Variants in GNAQ observed in about 807,000 individuals in gnomAD.
GNAQ encodes G protein subunit alpha q.
GNAQ carries 8 observed loss-of-function variants against 43.9 expected under a neutral mutation model. That is an observed-to-expected ratio of 0.18 (90% confidence interval 0.11 to 0.33). The LOEUF is 0.33. Among genes scored for constraint, GNAQ ranks in the 10% least tolerant of loss-of-function variants. The pLI, the probability that GNAQ is intolerant of heterozygous loss-of-function variation, is 1.00. For synonymous variants in GNAQ, 155 were observed against 170.7 expected (o/e 0.91, Z 0.71); for missense variants, 158 against 450.8 (o/e 0.35, Z 5.88).
intron 1 of GNAQ, among the ~76,000 whole-genome samples, chr9:78,015,061 C>T (rs991909784): frequency 3.3e-5 from 5 of 152,210 alleles, no homozygotes; most frequent in Non-Finnish European, 7.3e-5. Flanking sequence ...CTCACTGACA[C>T]CCAGAGCAAT....
intron 1 of GNAQ, among the ~76,000 whole-genome samples, chr9:77,966,329 T>A (rs1167572448): frequency 6.6e-6 from 1 of 152,130 alleles, no homozygotes; most frequent in Non-Finnish European, 1.5e-5. Flanking sequence ...ATCAATTACA[T>A]CGCAAAAAAA....
At chr9:77,920,142 A>T in intron 2 of GNAQ, among the ~76,000 whole-genome samples, 1 of 152,164 alleles carries the variant, frequency 6.6e-6, no homozygotes, top group East Asian at 1.9e-4. Flanking sequence ...TGTCTCAAAA[A>T]AAAAAAAGAA....
Position 77,952,373 on chromosome 9 carries a change from T to C in GNAQ, c.137-30028A>G, listed in dbSNP as rs186550261. Among the ~76,000 whole-genome samples, 858 of 152,322 alleles carry C rather than the reference T, an allele frequency of 5.6e-3. 2 individuals carry two copies. The highest frequency in any genetic ancestry group is 0.048 in the Middle Eastern group (14 of 294). ...TGTTGAATCCATAATATTAAAACAG[T>C]ACAAAGAATACTTGTTTTATAAGAA... On this transcript the variant is annotated intron_variant, in intron 1 of 6. Coordinates refer to ENST00000286548, the MANE Select transcript of GNAQ (RefSeq NM_002072.5).
intron 2 of GNAQ, among the ~76,000 whole-genome samples, chr9:77,856,209 T>C (rs1376402063): frequency 6.6e-6 from 1 of 152,190 alleles, no homozygotes; most frequent in Non-Finnish European, 1.5e-5. Flanking sequence ...CTGTAAGTGA[T>C]TCTCTAACTC....
intron 1 of GNAQ, among the ~76,000 whole-genome samples, chr9:77,998,976 A>G (rs937523756): frequency 6.6e-6 from 1 of 151,260 alleles, no homozygotes; most frequent in Non-Finnish European, 1.5e-5. Flanking sequence ...CTGTAATCCC[A>G]GCTACTTCGG....
intron 5 of GNAQ, among the ~76,000 whole-genome samples, chr9:77,763,350 G>A (rs1313301914): frequency 2.0e-5 from 3 of 152,140 alleles, no homozygotes; most frequent in African/African-American, 7.2e-5. Context: ...GTAAAGCTAG[G>A]TGTGGTGGCT....
intron 2 of GNAQ, among the ~76,000 whole-genome samples, chr9:77,914,580 T>C (rs1024238255): frequency 6.6e-6 from 1 of 152,074 alleles, no homozygotes; most frequent in Non-Finnish European, 1.5e-5. Context: ...GAGAATCGCT[T>C]GAACCCAGGA....
chr9:77,957,079 C>T (rs1193050398), intron 1 of GNAQ, among the ~76,000 whole-genome samples: 2 of 152,152 alleles, frequency 1.3e-5, no homozygotes, highest in African/African-American at 4.8e-5. Context: ...TAATAATAGG[C>T]TGGGTGTGGT....
At chr9:77,959,872 C>G (rs1475481056) in intron 1 of GNAQ, among the ~76,000 whole-genome samples, 1 of 152,128 alleles carries the variant, frequency 6.6e-6, no homozygotes, top group Non-Finnish European at 1.5e-5. Context: ...AAAGGTGGCA[C>G]CATGGTTCTA....
At chr9:77,980,619 A>G (rs117630979) in intron 1 of GNAQ, among the ~76,000 whole-genome samples, 2,221 of 152,264 alleles carry the variant, frequency 0.015, 31 homozygotes, top group South Asian at 0.026. Flanking sequence ...ATGCCTTACC[A>G]TAGACAATTA....
chr9:77,999,767 A>C (rs1363529004), intron 1 of GNAQ, among the ~76,000 whole-genome samples: 1 of 152,248 alleles, frequency 6.6e-6, no homozygotes, highest in Non-Finnish European at 1.5e-5. Flanking sequence ...TCTCTAAGCC[A>C]ACACTAAAAT....
chr9:77,737,485 C>T (rs370623857), intron 5 of GNAQ, among the ~76,000 whole-genome samples: 4 of 152,170 alleles, frequency 2.6e-5, no homozygotes, highest in African/African-American at 9.7e-5. Context: ...AAGTTGATGG[C>T]TATAATTTGT....
chr9:77,832,067 CCTTTGGAGAGATTAGAGCA>C (rs2118554829), intron 2 of GNAQ, among the ~76,000 whole-genome samples: 1 of 149,598 alleles, frequency 6.7e-6, no homozygotes, highest in South Asian at 2.1e-4. Context: ...TCAAAGACAT[CCTTTGGAGAGATTAGAGCA>C]CTTTTTTTTT....
intron 5 of GNAQ, among the ~76,000 whole-genome samples, chr9:77,775,042 C>G (rs1412657883): frequency 1.3e-5 from 2 of 152,140 alleles, no homozygotes; most frequent in African/African-American, 4.8e-5. Flanking sequence ...GCTGTACGTG[C>G]TGTTTTGAAA....
intron 1 of GNAQ, among the ~76,000 whole-genome samples, chr9:77,967,956 G>A (rs1348405067): frequency 1.3e-5 from 2 of 151,942 alleles, no homozygotes; most frequent in African/African-American, 4.8e-5. Flanking sequence ...CTCCAGCCTG[G>A]GCAACAAGAA....
At chr9:77,928,949 C>T (rs1011968799) in intron 1 of GNAQ, among the ~76,000 whole-genome samples, 1 of 152,064 alleles carries the variant, frequency 6.6e-6, no homozygotes, top group Non-Finnish European at 1.5e-5. Flanking sequence ...ACCAGGGAGG[C>T]GGACATCACA....
chr9:77,975,106 G>T (rs1233391819), intron 1 of GNAQ, among the ~76,000 whole-genome samples: 1 of 152,078 alleles, frequency 6.6e-6, no homozygotes, highest in African/African-American at 2.4e-5. Context: ...TCCCTACAGG[G>T]CCCATCCCCT....
intron 5 of GNAQ, among the ~76,000 whole-genome samples, chr9:77,749,653 CTAAAA>C (rs1204245033): frequency 6.6e-6 from 1 of 152,126 alleles, no homozygotes; most frequent in Admixed American, 6.5e-5. Context: ...TGGTATTTCT[CTAAAA>C]TAATGTTTTC....
intron 2 of GNAQ, among the ~76,000 whole-genome samples, chr9:77,873,603 A>T (rs1448569692): frequency 6.6e-6 from 1 of 152,208 alleles, no homozygotes; most frequent in East Asian, 1.9e-4. Flanking sequence ...GGGATGGGAA[A>T]GACTGGCAGT....
Sources: gnomAD v4.1 joint callset for allele counts (sites outside exome capture counted in the v4.1 genomes callset) on GRCh38, gnomAD v4.1.1 for gene constraint, MANE v1.5 for transcripts, NCBI Gene and HGNC (gene_info 2026-07-23, HGNC 2026-07-21) for gene names.